Variants in LRRTM4 observed in about 807,000 individuals in gnomAD.
LRRTM4 encodes leucine rich repeat transmembrane neuronal 4, also known as leucine-rich repeat transmembrane neuronal protein 4.
Under a neutral mutation model 47.6 loss-of-function variants are expected in LRRTM4, and 25 were observed. That is an observed-to-expected ratio of 0.53 (90% CI 0.38 to 0.73). LRRTM4 has a LOEUF of 0.73. Among genes scored for constraint, LRRTM4 ranks in the 30% least tolerant of loss-of-function variants. The probability of loss-of-function intolerance (pLI) is 0.00; values close to 1 mark genes in which losing one functional copy is unlikely to be tolerated. For synonymous variants in LRRTM4, 311 were observed against 269.5 expected (o/e 1.15, Z -1.51); for missense variants, 638 against 713.4 (o/e 0.89, Z 1.20).
intron 3 of LRRTM4, among the ~76,000 whole-genome samples, chr2:77,109,577 AT>A (rs1671191690): frequency 6.6e-6 from 1 of 152,142 alleles, no homozygotes; most frequent in East Asian, 1.9e-4. Context: ...GCAAAATAAA[AT>A]TTTTGTGTGG....
chr2:77,080,389 G>A (rs946016406), intron 3 of LRRTM4, among the ~76,000 whole-genome samples: 22 of 152,018 alleles, frequency 1.4e-4, no homozygotes, highest in South Asian at 8.3e-4. Context: ...TCCCATATCC[G>A]ACTGAAGTCT....
intron 3 of LRRTM4, among the ~76,000 whole-genome samples, chr2:77,366,571 T>C (rs1406601819): frequency 1.3e-5 from 2 of 151,922 alleles, no homozygotes; most frequent in Admixed American, 6.6e-5. Context: ...TTAACTTTCT[T>C]ATATCTCACT....
intron 3 of LRRTM4, among the ~76,000 whole-genome samples, chr2:77,480,832 A>T (rs62162640): frequency 0.33 from 23,418 of 71,518 alleles, 2,168 homozygotes; most frequent in Middle Eastern, 0.38. Flanking sequence ...GGAGAGAGAG[A>T]GAGAGAGAGA....
intron 3 of LRRTM4, among the ~76,000 whole-genome samples, chr2:76,807,618 G>C (rs1166023449): frequency 6.6e-6 from 1 of 150,996 alleles, no homozygotes; most frequent in Admixed American, 6.6e-5. Flanking sequence ...TTGAGACTAA[G>C]TCTCACTCTG....
chr2:76,763,061 A>C (rs890040372), intron 3 of LRRTM4, among the ~76,000 whole-genome samples: 1 of 152,174 alleles, frequency 6.6e-6, no homozygotes, highest in African/African-American at 2.4e-5. Context: ...CTTCCTTTCT[A>C]TCGCCTAGGA....
intron 3 of LRRTM4, among the ~76,000 whole-genome samples, chr2:77,330,819 T>C (rs955100265): frequency 3.3e-5 from 5 of 152,178 alleles, no homozygotes; most frequent in African/African-American, 1.2e-4. Context: ...ATAGGAAGTT[T>C]CATGTATTTA....
At chr2:77,288,705 A>G (rs1676731760) in intron 3 of LRRTM4, among the ~76,000 whole-genome samples, 1 of 152,124 alleles carries the variant, frequency 6.6e-6, no homozygotes, top group South Asian at 2.1e-4. Flanking sequence ...TAATCTTTAG[A>G]AGAAACTTGA....
intron 3 of LRRTM4, among the ~76,000 whole-genome samples, chr2:77,426,837 A>T (rs548263053): frequency 7.2e-4 from 109 of 152,100 alleles, no homozygotes; most frequent in African/African-American, 2.4e-3. Context: ...ACATGCACAC[A>T]CACACACACA....
chr2:76,773,009 C>G, intron 3 of LRRTM4: 1 of 152,140 alleles, frequency 6.6e-6, no homozygotes, highest in Admixed American at 6.5e-5. Context: ...CTGGTACTAT[C>G]TATGGTTTCA....
At chr2:77,399,242 T>A (rs533223426) in intron 3 of LRRTM4, among the ~76,000 whole-genome samples, 1 of 151,810 alleles carries the variant, frequency 6.6e-6, no homozygotes, top group East Asian at 1.9e-4. Context: ...TGTATATTTA[T>A]TATGCTTATG....
chr2:77,399,868 C>T (rs749714700), intron 3 of LRRTM4, among the ~76,000 whole-genome samples: 1 of 151,816 alleles, frequency 6.6e-6, no homozygotes, highest in Non-Finnish European at 1.5e-5. Context: ...GCTCCCTCCT[C>T]ACTTCGTTCA....
chr2:77,405,269 A>G (rs1011291544), intron 3 of LRRTM4, among the ~76,000 whole-genome samples: 1 of 152,064 alleles, frequency 6.6e-6, no homozygotes, highest in African/African-American at 2.4e-5. Flanking sequence ...CCTTCTGGGA[A>G]TTACACAAAG....
At chr2:77,514,827 T>C (rs189827094) in intron 3 of LRRTM4, among the ~76,000 whole-genome samples, 54 of 152,010 alleles carry the variant, frequency 3.6e-4, no homozygotes, top group Non-Finnish European at 2.9e-5. Flanking sequence ...AAACAAATCC[T>C]AGAAGAACTA....
chr2:77,142,458 C>T (rs1243669755), intron 3 of LRRTM4, among the ~76,000 whole-genome samples: 1 of 148,408 alleles, frequency 6.7e-6, no homozygotes, highest in African/African-American at 2.5e-5. Context: ...CACACACACA[C>T]TTATCTCAAA....
chr2:77,168,478 T>C (rs1362530115), intron 3 of LRRTM4, among the ~76,000 whole-genome samples: 5 of 152,130 alleles, frequency 3.3e-5, no homozygotes, highest in East Asian at 1.9e-4. Context: ...TTTTGATATA[T>C]ATGTACAATG....
At chr2:76,758,923 A>G (rs1673157639) in intron 3 of LRRTM4, among the ~76,000 whole-genome samples, 1 of 152,198 alleles carries the variant, frequency 6.6e-6, no homozygotes, top group African/African-American at 2.4e-5. Context: ...ATGAGAGAAT[A>G]GGCTTGAACA....
chr2:77,018,308 T>G (rs1247931876), intron 3 of LRRTM4, among the ~76,000 whole-genome samples: 3 of 136,570 alleles, frequency 2.2e-5, no homozygotes, highest in Non-Finnish European at 4.6e-5. Flanking sequence ...TGTGAGCTGG[T>G]GAAAAGAGAA....
intron 3 of LRRTM4, among the ~76,000 whole-genome samples, chr2:77,002,924 C>T (rs747089929): frequency 6.6e-5 from 10 of 152,018 alleles, no homozygotes; most frequent in South Asian, 2.1e-4. Context: ...TTCATTTTTA[C>T]TTGTTTGCTA....
intron 3 of LRRTM4, among the ~76,000 whole-genome samples, chr2:77,082,951 T>C (rs1334721319): frequency 6.6e-6 from 1 of 152,134 alleles, no homozygotes; most frequent in East Asian, 1.9e-4. Context: ...TTCATGCCCT[T>C]AGATATCTCC....
Sources: allele counts gnomAD v4.1 joint callset (sites outside exome capture counted in the v4.1 genomes callset), GRCh38; gene constraint gnomAD v4.1.1; transcripts MANE v1.5; gene names NCBI Gene and HGNC (gene_info 2026-07-23, HGNC 2026-07-21).